SLC25A13: variants seen among roughly 807,000 people sequenced by gnomAD.
SLC25A13 encodes electrogenic aspartate/glutamate antiporter SLC25A13, mitochondrial.
SLC25A13 carries 70 observed loss-of-function variants against 85.5 expected under a neutral mutation model. The ratio of observed to expected loss-of-function variants is 0.82; its 90% confidence interval spans 0.68 to 1.00. The LOEUF is 1.00. Ranked by LOEUF, SLC25A13 falls within the 50% of genes least tolerant of loss-of-function variation. The probability of loss-of-function intolerance (pLI) is 0.00; values close to 1 mark genes in which losing one functional copy is unlikely to be tolerated. For synonymous variants in SLC25A13, 259 were observed against 288.7 expected, an observed-to-expected ratio of 0.90 and a Z score of 1.04; for missense variants, 765 against 819.8, an observed-to-expected ratio of 0.93 and a Z score of 0.82.
intron 9 of SLC25A13, among the ~76,000 whole-genome samples, chr7:96,187,228 A>G (rs2116640446): frequency 6.6e-6 from 1 of 152,326 alleles, no homozygotes. Context: ...ATTCAATAAA[A>G]TTTGTTTTTC....
At chr7:96,283,808 A>G (rs938175769) in intron 2 of SLC25A13, 2 of 142,142 alleles carry the variant, frequency 1.4e-5, no homozygotes, top group African/African-American at 5.1e-5. Flanking sequence ...ACTTCATGGC[A>G]AATAGGTGTT....
At chr7:96,256,145 C>T (rs900368256) in intron 3 of SLC25A13, among the ~76,000 whole-genome samples, 6 of 152,118 alleles carry the variant, frequency 3.9e-5, no homozygotes, top group Non-Finnish European at 7.4e-5. Context: ...AAACCATCGA[C>T]ACTATGAAGA....
intron 15 of SLC25A13, among the ~76,000 whole-genome samples, chr7:96,129,899 A>C (rs1470962710): frequency 6.6e-6 from 1 of 152,224 alleles, no homozygotes; most frequent in Non-Finnish European, 1.5e-5. Flanking sequence ...CCTTAAGTGA[A>C]AACTATCTAT....
intron 4 of SLC25A13, among the ~76,000 whole-genome samples, chr7:96,231,638 T>G (rs1339206400): frequency 6.6e-6 from 1 of 151,738 alleles, no homozygotes; most frequent in Admixed American, 6.6e-5. Flanking sequence ...GCAGGAGAAC[T>G]GCTTGAACCC....
At chr7:96,321,318 C>G (rs1425967548) in intron 1 of SLC25A13, among the ~76,000 whole-genome samples, 1 of 152,056 alleles carries the variant, frequency 6.6e-6, no homozygotes, top group East Asian at 1.9e-4. Context: ...AGGCGGGTAT[C>G]TAAGTGTTGT....
At chr7:96,217,578 A>G (rs556303359) in intron 4 of SLC25A13, among the ~76,000 whole-genome samples, 1 of 152,300 alleles carries the variant, frequency 6.6e-6, no homozygotes, top group East Asian at 1.9e-4. Flanking sequence ...CATATGTGCT[A>G]CATCATGGAT....
At chr7:96,281,626 T>C (rs911860675) in intron 2 of SLC25A13, among the ~76,000 whole-genome samples, 3 of 152,276 alleles carry the variant, frequency 2.0e-5, no homozygotes, top group South Asian at 4.1e-4. Flanking sequence ...GCCTCTGGGA[T>C]GCTCGTTACA....
At chr7:96,242,491 C>A (rs1797032799) in intron 3 of SLC25A13, among the ~76,000 whole-genome samples, 1 of 152,170 alleles carries the variant, frequency 6.6e-6, no homozygotes, top group African/African-American at 2.4e-5. Context: ...TCAAATTTAA[C>A]CTAAAAGACT....
chr7:96,187,362 T>A (rs1429676467), intron 9 of SLC25A13, among the ~76,000 whole-genome samples: 2 of 152,208 alleles, frequency 1.3e-5, no homozygotes, highest in African/African-American at 4.8e-5. Context: ...ATTTGGAATC[T>A]CCTTCAAAGT....
chr7:96,145,339 T>C (rs1792739624), intron 14 of SLC25A13, among the ~76,000 whole-genome samples: 1 of 152,114 alleles, frequency 6.6e-6, no homozygotes, highest in Admixed American at 6.5e-5. Context: ...GGAAGGGAGA[T>C]TCTCCTGAGA....
intron 3 of SLC25A13, among the ~76,000 whole-genome samples, chr7:96,263,272 C>T (rs1277874856): frequency 1.3e-5 from 2 of 152,124 alleles, no homozygotes; most frequent in African/African-American, 4.8e-5. Context: ...CGTCTAATCC[C>T]TGAGAGGCCC....
intron 12 of SLC25A13, 28 bp downstream of exon 12, chr7:96,171,441 TTAA>T: frequency 6.3e-7 from 1 of 1,595,748 alleles, no homozygotes; most frequent in South Asian, 1.1e-5. Flanking sequence ...ACAAAATCCC[TTAA>T]TAAGAAGCAC....
intron 14 of SLC25A13, among the ~76,000 whole-genome samples, chr7:96,133,065 C>G (rs1792103168): frequency 6.6e-6 from 1 of 152,192 alleles, no homozygotes; most frequent in South Asian, 2.1e-4. Context: ...ACAAGTAACA[C>G]AGGCAGGACA....
At chr7:96,227,030 A>G (rs892805682) in intron 4 of SLC25A13, among the ~76,000 whole-genome samples, 1 of 152,228 alleles carries the variant, frequency 6.6e-6, no homozygotes, top group Admixed American at 6.5e-5. Context: ...GTAGTAAAAT[A>G]TATCTATTGA....
Position 96,315,473 on chromosome 7 carries a change from A to C in SLC25A13, c.15+6469T>G, listed in dbSNP as rs139263387. ...CTGGCCTAGAGCAGTGCCAAAAGCA[A>C]AGGCATTCATGGGAATTTGGACCAA... On this transcript the variant is annotated intron_variant, in intron 1 of 17. Transcript: ENST00000265631. Among the ~76,000 whole-genome samples, 484 of 152,280 alleles carry C rather than the reference A, an allele frequency of 3.2e-3. 3 individuals carry two copies. Among genetic ancestry groups the C allele is most frequent in the African/African-American group, 0.011 (459 of 41,546 alleles).
At chr7:96,277,095 G>T in intron 3 of SLC25A13, 101 bp downstream of exon 3, 1 of 1,179,508 alleles carries the variant, frequency 8.5e-7, no homozygotes, top group Non-Finnish European at 1.2e-6. Flanking sequence ...ATGGTCCTAA[G>T]AGATGGGAAG....
intron 2 of SLC25A13, among the ~76,000 whole-genome samples, chr7:96,279,851 T>G (rs1798605454): frequency 6.6e-6 from 1 of 152,198 alleles, no homozygotes; most frequent in South Asian, 2.1e-4. Context: ...CTTAATCTCT[T>G]GGTTGTCCCA....
At chr7:96,316,962 T>A (rs1287798944) in intron 1 of SLC25A13, among the ~76,000 whole-genome samples, 3 of 152,138 alleles carry the variant, frequency 2.0e-5, no homozygotes, top group Non-Finnish European at 4.4e-5. Context: ...AATTATCCGA[T>A]CTTTTTTATT....
chr7:96,169,739 A>G (rs913849224), intron 13 of SLC25A13: 1 of 396,530 alleles, frequency 2.5e-6, no homozygotes, highest in Admixed American at 4.1e-5. Context: ...TTAACTTTAG[A>G]AAAGGTTAGC....
Sources: allele counts gnomAD v4.1 joint callset (sites outside exome capture counted in the v4.1 genomes callset), GRCh38; gene constraint gnomAD v4.1.1; transcripts MANE v1.5; gene names NCBI Gene and HGNC (gene_info 2026-07-23, HGNC 2026-07-21).